Variants in ACSL1 observed in about 807,000 individuals in gnomAD.
ACSL1 encodes acyl-CoA synthetase long chain family member 1.
A neutral mutation model predicts 98.4 loss-of-function variants in ACSL1; 41 were observed. That is an observed-to-expected ratio of 0.42 (90% CI 0.32 to 0.54). The LOEUF is 0.54. ACSL1 is among the 20% of genes least tolerant of loss of function. The probability of loss-of-function intolerance (pLI) is 0.13; values close to 1 mark genes in which losing one functional copy is unlikely to be tolerated. For missense variants in ACSL1, 734 were observed against 883.1 expected (o/e 0.83, Z 2.14); for synonymous variants, 316 against 322.7 (o/e 0.98, Z 0.22).
chr4:184,783,565 A>G (rs529157391), intron 4 of ACSL1, among the ~76,000 whole-genome samples: 12 of 152,204 alleles, frequency 7.9e-5, no homozygotes, highest in Non-Finnish European at 1.0e-4. Context: ...TGAAATGAAG[A>G]TGTATTCCCA....
Position 184,803,599 on chromosome 4 carries a change from C to T in ACSL1, c.-32-53G>A. On this transcript the variant is annotated intron_variant, in intron 1 of 20. Transcript: ENST00000281455. This position sits in a 1 kb window ranked among gnomAD's most constrained non-coding sequence, Gnocchi z 4.8. ...GTTCCAGGGAAGCAGGACCCCTCTC[C>T]AGAACTCCAAAATTCCACCGGCCAG... The T allele has an allele frequency of 3.9e-6, 5 of 1,272,460 alleles. No homozygotes were observed. The highest frequency in any genetic ancestry group is 5.1e-6 in the Non-Finnish European group (5 of 981,864). 78.8% of individuals were successfully genotyped at this position (1,272,460 alleles called of 1,614,324 possible).
At chr4:184,801,423 C>T (rs1770495822) in intron 2 of ACSL1, among the ~76,000 whole-genome samples, 1 of 152,170 alleles carries the variant, frequency 6.6e-6, no homozygotes, top group African/African-American at 2.4e-5. Flanking sequence ...AAAGTAGGAA[C>T]ACAGCAACAA....
In ACSL1 at chr4:184,802,879, G is replaced by GTCCC. The variant is rs559111697; in HGVS notation, c.195+437_195+440dup. Among the ~76,000 whole-genome samples the GTCCC allele has an allele frequency of 6.6e-5, 10 of 152,310 alleles. No homozygotes were observed. In the East Asian group the frequency reaches 1.9e-3, roughly 29 times the overall value. ...GCCCTATTCTATTTGAAATCCCAAA[G>GTCCC]TCCCTTCCAACAGGCTAGGGATATG... On this transcript the variant is annotated intron_variant, in intron 2 of 20. Transcript: ENST00000281455.
chr4:184,788,045 G>C (rs1434308187), intron 3 of ACSL1, among the ~76,000 whole-genome samples: 4 of 152,164 alleles, frequency 2.6e-5, no homozygotes, highest in African/African-American at 7.2e-5. Flanking sequence ...GGCTGGGAGA[G>C]AGCAGAGGTA....
At chr4:184,792,922 C>T (rs1296397557) in intron 2 of ACSL1, among the ~76,000 whole-genome samples, 5 of 152,118 alleles carry the variant, frequency 3.3e-5, no homozygotes, top group East Asian at 1.9e-4. Flanking sequence ...GACTTAAATA[C>T]TATATTAGGT....
At chr4:184,809,901 C>T (rs1398109302) in intron 1 of ACSL1, among the ~76,000 whole-genome samples, 2 of 152,220 alleles carry the variant, frequency 1.3e-5, no homozygotes, top group Non-Finnish European at 1.5e-5. Context: ...TCTCTACAGC[C>T]ACTTTTTGAG....
intron 1 of ACSL1, among the ~76,000 whole-genome samples, chr4:184,816,191 C>T (rs1202912228): frequency 6.6e-6 from 1 of 151,730 alleles, no homozygotes; most frequent in African/African-American, 2.4e-5. Context: ...CAGGACTGGA[C>T]GCAGCCTGCA....
At chr4:184,783,594 T>C (rs1222874510) in intron 4 of ACSL1, among the ~76,000 whole-genome samples, 2 of 152,216 alleles carry the variant, frequency 1.3e-5, no homozygotes, top group Non-Finnish European at 2.9e-5. Flanking sequence ...CTTCTGAGTT[T>C]TTCTAGTACC....
intron 1 of ACSL1, among the ~76,000 whole-genome samples, chr4:184,809,775 G>A (rs113865038): frequency 0.017 from 2,638 of 152,258 alleles, 87 homozygotes; most frequent in African/African-American, 0.061. Context: ...CAGCCTGGGC[G>A]ACAGAGCGAG....
chr4:184,784,065 C>T lies in ACSL1; in HGVS notation c.311-74G>A, dbSNP rs192947885. 589 of 1,239,244 alleles carry T rather than the reference C, an allele frequency of 4.8e-4. 2 individuals carry two copies. The highest frequency in any genetic ancestry group is 6.3e-4 in the Non-Finnish European group (541 of 852,392). The allele number at this position is 1,239,244 out of a possible 1,614,324, so 76.8% of individuals were successfully genotyped here. On this transcript the variant is annotated intron_variant, in intron 3 of 20. Coordinates refer to ENST00000281455, the MANE Select transcript of ACSL1 (RefSeq NM_001995.5). ...CCTAGATTTTAATTTGTATCCCAAC[C>T]GCACTCTAATACTAAACATCAGCTA... is the stretch of plus-strand genomic sequence containing the variant.
intron 16 of ACSL1, 148 bp downstream of exon 16, chr4:184,763,019 T>C (rs1763073100): frequency 1.3e-6 from 1 of 766,002 alleles, no homozygotes; most frequent in South Asian, 1.9e-5. Flanking sequence ...AAATGTACCC[T>C]CAGAAAGAAG....
In ACSL1 at chr4:184,760,344, A is replaced by C. The variant is rs1378018750; in HGVS notation, c.1782+13T>G. On this transcript the variant is annotated intron_variant, in intron 18 of 20. Transcript: ENST00000281455. ...GTGTATGCAGCAAGATTCAAGACCC[A>C]GAAAGCACATACCTGCAGGCTTTCT... 5 of 1,613,884 alleles carry C rather than the reference A, an allele frequency of 3.1e-6. No individual in the cohort carries two copies. Among genetic ancestry groups the C allele is most frequent in the Non-Finnish European group, 4.2e-6 (5 of 1,179,816 alleles).
In ACSL1 at chr4:184,814,562, T is replaced by C. The variant is rs6817429; in HGVS notation, c.-32-11016A>G. On this transcript the variant is annotated intron_variant, in intron 1 of 20. Transcript: ENST00000281455. Reference sequence around the variant, plus strand: ...TTTTTACTACTATGTTGTTGTTCTTTGTATGTTGCTGTATTTTTCCCAATT... The same window carrying C: ...TTTTTACTACTATGTTGTTGTTCTTCGTATGTTGCTGTATTTTTCCCAATT... 5.3e-5 allele frequency among the ~76,000 whole-genome samples: 8 copies of C among 152,180 alleles called. No homozygotes were observed. In the East Asian group the frequency reaches 9.6e-4, roughly 18 times the overall value.
chr4:184,794,374 T>C (rs1360163548), intron 2 of ACSL1, among the ~76,000 whole-genome samples: 1 of 152,172 alleles, frequency 6.6e-6, no homozygotes, highest in East Asian at 1.9e-4. Flanking sequence ...ACAGATATTT[T>C]TAAAATTCCC....
Position 184,803,924 on chromosome 4 carries a change from C to A in ACSL1, c.-32-378G>T, listed in dbSNP as rs776706101. Among the ~76,000 whole-genome samples the A allele has an allele frequency of 9.9e-5, 15 of 152,208 alleles. No homozygotes were observed. Among genetic ancestry groups the A allele is most frequent in the Non-Finnish European group, 4.4e-5 (3 of 68,038 alleles). ...TCGTCCATCCACCTAATCAAAAACA[C>A]TCGACTCTCATTGTCAAGGCTAATG... On this transcript the variant is annotated intron_variant, in intron 1 of 20. Coordinates refer to ENST00000281455, the MANE Select transcript of ACSL1 (RefSeq NM_001995.5). The surrounding 1 kb of genome is among the most constrained non-coding windows in gnomAD (Gnocchi z 4.8).
rs1389272913 is a variant in ACSL1 at position 184,788,860 on chromosome 4, TAA to T, written c.196-131_196-130del. Reference sequence around the variant, plus strand: ...GTCACTTATCTGTAGTGAGAACACTTAAAATCTATTCTCTTAGTAATTTCAGG... The same window carrying T: ...GTCACTTATCTGTAGTGAGAACACTTAATCTATTCTCTTAGTAATTTCAGG... On this transcript the variant is annotated intron_variant, in intron 2 of 20. Transcript: ENST00000281455. 2.0e-4 allele frequency: 134 copies of T among 670,488 alleles called. 1 individual carries two copies. In the African/African-American group the frequency reaches 2.1e-3, roughly 11 times the overall value. 41.5% of individuals were successfully genotyped at this position (670,488 alleles called of 1,614,324 possible).
chr4:184,801,363 G>T (rs2150433699), intron 2 of ACSL1, among the ~76,000 whole-genome samples: 1 of 152,282 alleles, frequency 6.6e-6, no homozygotes, highest in East Asian at 1.9e-4. Flanking sequence ...CATGTGAGAT[G>T]GGGGTGCAGA....
rs1004783123 is a variant in ACSL1, at chr4:184,825,632, T to A, written c.-33+284A>T. Among the ~76,000 whole-genome samples, 2 of 150,244 alleles carry A rather than the reference T, an allele frequency of 1.3e-5. No individual in the cohort carries two copies. The highest frequency in any genetic ancestry group is 6.6e-5 in the Admixed American group (1 of 15,118). On this transcript the variant is annotated intron_variant, in intron 1 of 20. Transcript: ENST00000281455. The surrounding 1 kb of genome is among the most constrained non-coding windows in gnomAD (Gnocchi z 4.7). ...CACACAAGGGTCGGTCCCGCGCGCA[T>A]CCCCGGCCGCGCACCAGCCCCGCGC...
In ACSL1 at chr4:184,773,732, A is replaced by G; in HGVS notation, c.790-18T>C. ...GCTGGAGGCTAAAGATTAAAAAAAA[A>G]AAAAGCTGGTATAAATCAGAACAGA... On this transcript the variant is annotated intron_variant, in intron 8 of 20. Coordinates refer to ENST00000281455, the MANE Select transcript of ACSL1 (RefSeq NM_001995.5). The surrounding 1 kb of genome is among the most constrained non-coding windows in gnomAD (Gnocchi z 4.3). The G allele has an allele frequency of 6.2e-7, 1 of 1,602,022 alleles. No homozygotes were observed. The highest frequency in any genetic ancestry group is 1.4e-5 in the African/African-American group (1 of 73,484).
Sources: gnomAD v4.1 joint callset for allele counts (sites outside exome capture counted in the v4.1 genomes callset) on GRCh38, gnomAD v4.1.1 for gene constraint, Gnocchi (gnomAD v3.1) non-coding constraint, MANE v1.5 for transcripts, NCBI Gene and HGNC (gene_info 2026-07-23, HGNC 2026-07-21) for gene names.